The following DLGAP1 variants were observed in gnomAD, a reference collection of about 807,000 sequenced individuals.
The protein encoded by DLGAP1 is DLG associated protein 1.
A neutral mutation model predicts 90.8 loss-of-function variants in DLGAP1; 11 were observed. The observed-to-expected ratio is 0.12, with a 90% CI of 0.08 to 0.20. The LOEUF (loss-of-function observed/expected upper bound fraction) is 0.20, where lower values mean the gene tolerates loss of function less well. Ranked by LOEUF, DLGAP1 falls within the 10% of genes least tolerant of loss-of-function variation. The probability of loss-of-function intolerance (pLI) is 1.00; values close to 1 mark genes in which losing one functional copy is unlikely to be tolerated. For synonymous variants in DLGAP1, 558 were observed against 540.7 expected, an observed-to-expected ratio of 1.03 and a Z score of -0.44; for missense variants, 1,050 against 1,333.8, an observed-to-expected ratio of 0.79 and a Z score of 3.31.
Position 4,342,276 on chromosome 18 carries a change from T to C in DLGAP1, c.-267+112730A>G, listed in dbSNP as rs113226165. Among the ~76,000 whole-genome samples the C allele has an allele frequency of 3.0e-3, 452 of 152,168 alleles. No homozygotes were observed. Among genetic ancestry groups the C allele is most frequent in the Middle Eastern group, 0.02 (6 of 294 alleles). On this transcript the variant is annotated intron_variant, in intron 1 of 12. Transcript: ENST00000315677. The surrounding 1 kb of genome is among the most constrained non-coding windows in gnomAD (Gnocchi z 5.8). Reference sequence around the variant, plus strand: ...GAACTTGATTCTGCTTGCATTTTAATGGTAGGCGAGGATTTTTTATATTAG... The same window carrying C: ...GAACTTGATTCTGCTTGCATTTTAACGGTAGGCGAGGATTTTTTATATTAG...
intron 1 of DLGAP1, among the ~76,000 whole-genome samples, chr18:4,365,377 C>A (rs1451278786): frequency 6.6e-6 from 1 of 152,064 alleles, no homozygotes; most frequent in Non-Finnish European, 1.5e-5. Flanking sequence ...TGACAGAAAG[C>A]AGATTACTGG....
intron 7 of DLGAP1, among the ~76,000 whole-genome samples, chr18:3,618,038 A>G (rs965095065): frequency 8.5e-5 from 13 of 152,134 alleles, no homozygotes; most frequent in Non-Finnish European, 1.8e-4. Context: ...ACTCCATCTC[A>G]AAAGAAAGAA....
chr18:3,779,475 G>T (rs935976896), intron 5 of DLGAP1, among the ~76,000 whole-genome samples: 1 of 152,106 alleles, frequency 6.6e-6, no homozygotes, highest in Admixed American at 6.5e-5. Flanking sequence ...AGCCCTCTCG[G>T]ATCATGCCTG....
At chr18:4,051,764 C>A (rs1303984687) in intron 2 of DLGAP1, among the ~76,000 whole-genome samples, 1 of 152,070 alleles carries the variant, frequency 6.6e-6, no homozygotes, top group African/African-American at 2.4e-5. Context: ...CTAGACAATG[C>A]AAGTCCCTTC....
At chr18:3,634,210 G>A (rs573992771) in intron 7 of DLGAP1, among the ~76,000 whole-genome samples, 44 of 151,450 alleles carry the variant, frequency 2.9e-4, no homozygotes, top group South Asian at 8.3e-4. Context: ...AGTTATCTTT[G>A]AACATCCCCC....
chr18:4,285,105 G>T (rs979017810), intron 1 of DLGAP1, among the ~76,000 whole-genome samples: 13 of 152,062 alleles, frequency 8.5e-5, no homozygotes, highest in African/African-American at 2.4e-5. Flanking sequence ...TGCCAGAGTT[G>T]GCAATCCCTA....
intron 5 of DLGAP1, among the ~76,000 whole-genome samples, chr18:3,798,401 G>T (rs1390184759): frequency 6.6e-6 from 1 of 152,168 alleles, no homozygotes; most frequent in Non-Finnish European, 1.5e-5. Flanking sequence ...AGGGAAGGAA[G>T]TACCTTCCTT....
intron 7 of DLGAP1, among the ~76,000 whole-genome samples, chr18:3,690,258 TG>T (rs1334082646): frequency 1.3e-5 from 2 of 152,086 alleles, no homozygotes; most frequent in East Asian, 3.9e-4. Context: ...GGCTAATTTT[TG>T]TATTTTTTGT....
At chr18:4,020,677 C>T (rs2149111426) in intron 2 of DLGAP1, among the ~76,000 whole-genome samples, 1 of 152,278 alleles carries the variant, frequency 6.6e-6, no homozygotes. Context: ...CCAAACTAAG[C>T]TTGGGAAGGA....
chr18:3,499,060 C>A lies in DLGAP1; in HGVS notation c.*125G>T. On this transcript the variant is annotated 3_prime_UTR_variant, in exon 13 of 13. Coordinates refer to ENST00000315677, the MANE Select transcript of DLGAP1 (RefSeq NM_004746.4). This position sits in a 1 kb window ranked among gnomAD's most constrained non-coding sequence, Gnocchi z 6.4. Reference sequence around the variant, plus strand: ...GGCTCCTGCGAGGTGGACAACTACACCGCGACAGTGGAAGTCACCGAGCTC... The same window carrying A: ...GGCTCCTGCGAGGTGGACAACTACAACGCGACAGTGGAAGTCACCGAGCTC... 1.1e-6 allele frequency: 1 copy of A among 876,098 alleles called. No individual in the cohort carries two copies. The highest frequency in any genetic ancestry group is 1.7e-6 in the Non-Finnish European group (1 of 601,638). 54.3% of individuals were successfully genotyped at this position (876,098 alleles called of 1,614,324 possible). A position where few individuals can be genotyped will look rare whatever the true frequency, so the allele number is the denominator to read the frequency against.
intron 3 of DLGAP1, among the ~76,000 whole-genome samples, chr18:3,944,454 A>C (rs1373443269): frequency 1.3e-5 from 2 of 152,118 alleles, no homozygotes; most frequent in Middle Eastern, 3.2e-3. Context: ...GTGAGCTGAG[A>C]GATTGCACCA....
intron 9 of DLGAP1, among the ~76,000 whole-genome samples, chr18:3,561,008 T>C (rs1024666797): frequency 6.6e-6 from 1 of 150,986 alleles, no homozygotes; most frequent in East Asian, 1.9e-4. Context: ...ACTTATTCCT[T>C]GTATCATTGC....
At chr18:4,231,838 A>G (rs1328353745) in intron 1 of DLGAP1, among the ~76,000 whole-genome samples, 1 of 152,182 alleles carries the variant, frequency 6.6e-6, no homozygotes, top group Non-Finnish European at 1.5e-5. Flanking sequence ...TAGAGAAGAA[A>G]TGAACATTAA....
At chr18:4,384,362 G>A (rs986678820) in intron 1 of DLGAP1, among the ~76,000 whole-genome samples, 1 of 152,096 alleles carries the variant, frequency 6.6e-6, no homozygotes, top group African/African-American at 2.4e-5. Context: ...AGCAAGTTGA[G>A]ATCCTTATAA....
chr18:3,790,676 GA>G (rs1478544937), intron 5 of DLGAP1, among the ~76,000 whole-genome samples: 5 of 152,198 alleles, frequency 3.3e-5, no homozygotes, highest in Non-Finnish European at 5.9e-5. Context: ...TTAACTCAAG[GA>G]AGAGTATTTG....
At chr18:4,131,984 CT>C (rs1435051126) in intron 2 of DLGAP1, among the ~76,000 whole-genome samples, 1 of 152,114 alleles carries the variant, frequency 6.6e-6, no homozygotes, top group Non-Finnish European at 1.5e-5. Flanking sequence ...TTACTAGTAT[CT>C]GGCAGAATTT....
intron 1 of DLGAP1, among the ~76,000 whole-genome samples, chr18:4,426,793 A>G (rs1445541586): frequency 6.6e-6 from 1 of 152,228 alleles, no homozygotes; most frequent in East Asian, 1.9e-4. Context: ...AATTATCTCA[A>G]TTAGACCTGA....
At chr18:3,903,006 C>G (rs919835721) in intron 3 of DLGAP1, among the ~76,000 whole-genome samples, 22 of 152,178 alleles carry the variant, frequency 1.4e-4, no homozygotes, top group African/African-American at 5.3e-4. Flanking sequence ...GACCCAGAAG[C>G]ACTTTGCCTG....
chr18:4,330,183 T>C (rs2080915759), intron 1 of DLGAP1, among the ~76,000 whole-genome samples: 2 of 152,060 alleles, frequency 1.3e-5, no homozygotes, highest in Admixed American at 1.3e-4. Flanking sequence ...TTACCATCTT[T>C]TCATTTCTGT....
Sources: allele counts gnomAD v4.1 joint callset (sites outside exome capture counted in the v4.1 genomes callset), GRCh38; gene constraint gnomAD v4.1.1; non-coding constraint Gnocchi (gnomAD v3.1); transcripts MANE v1.5; gene names NCBI Gene and HGNC (gene_info 2026-07-23, HGNC 2026-07-21).